GLYR1: variants seen among roughly 807,000 people sequenced by gnomAD.
The protein encoded by GLYR1 is glyoxylate reductase 1 homolog.
In GLYR1, 21 loss-of-function variants were observed where a neutral mutation model predicts 72.7. The ratio of observed to expected loss-of-function variants is 0.29; its 90% CI spans 0.20 to 0.42. The LOEUF (loss-of-function observed/expected upper bound fraction) is 0.42, where lower values mean the gene tolerates loss of function less well. Among genes scored for constraint, GLYR1 ranks in the 10% least tolerant of loss-of-function variants. GLYR1 has a pLI of 1.00. For synonymous variants in GLYR1, 392 were observed against 270.2 expected, an observed-to-expected ratio of 1.45 and a Z score of -4.42; for missense variants, 594 against 712.1, an observed-to-expected ratio of 0.83 and a Z score of 1.89.
Position 4,826,123 on chromosome 16 carries a change from C to T in GLYR1, c.538-2216G>A, listed in dbSNP as rs1025310946. 1.3e-5 allele frequency among the ~76,000 whole-genome samples: 2 copies of T among 152,136 alleles called. 1 individual carries two copies. The highest frequency in any genetic ancestry group is 4.1e-4 in the South Asian group (2 of 4,822). On this transcript the variant is annotated intron_variant, in intron 5 of 15. Transcript: ENST00000321919. The stretch of plus-strand genomic sequence containing the variant: ...AGTGCAGTGACTCAATTATGGCTCA[C>T]TGCAGCCTCAACCACTTGAGCTCAA...
intron 5 of GLYR1, among the ~76,000 whole-genome samples, chr16:4,827,672 A>C (rs1050407738): frequency 6.6e-6 from 1 of 152,008 alleles, no homozygotes; most frequent in African/African-American, 2.4e-5. Context: ...AGGCCGAGGC[A>C]GGTGGATCAT....
At chr16:4,842,731 GCT>G (rs2085656625) in intron 3 of GLYR1, among the ~76,000 whole-genome samples, 1 of 151,820 alleles carries the variant, frequency 6.6e-6, no homozygotes, top group Non-Finnish European at 1.5e-5. Context: ...ACAGAGTCTC[GCT>G]CTGTCACCCA....
intron 5 of GLYR1, among the ~76,000 whole-genome samples, chr16:4,825,372 A>G (rs537512036): frequency 6.6e-6 from 1 of 152,224 alleles, no homozygotes; most frequent in East Asian, 1.9e-4. Context: ...CACACCAAGC[A>G]TGTGCCTGCC....
At chr16:4,845,209 A>C in intron 2 of GLYR1, 56 bp from the exon 3 acceptor site, 1 of 1,205,938 alleles carries the variant, frequency 8.3e-7, no homozygotes, top group Non-Finnish European at 1.2e-6. Flanking sequence ...CCCACTTTCT[A>C]GTGGCTCCAC....
Position 4,814,658 on chromosome 16 carries a change from C to T in GLYR1, c.907-11G>A, listed in dbSNP as rs368848838. 1 of 1,599,506 alleles carries T rather than the reference C, an allele frequency of 6.3e-7. No individual in the cohort carries two copies. Among genetic ancestry groups the T allele is most frequent in the East Asian group, 2.2e-5 (1 of 44,782 alleles). On this transcript the variant is annotated splice_polypyrimidine_tract_variant and intron_variant, in intron 10 of 15. Transcript: ENST00000321919. ...GATGAACAAATCACACTGCAAAAGT[C>T]ACAGATCCTAACGTGAGCTGCAGGC... is the stretch of plus-strand genomic sequence containing the variant.
chr16:4,809,543 C>T (rs1024020579), intron 15 of GLYR1, among the ~76,000 whole-genome samples: 2 of 146,766 alleles, frequency 1.4e-5, no homozygotes, highest in Admixed American at 7.1e-5. Flanking sequence ...ACCCGGGAGA[C>T]GAAGCTTGCA....
At position 4,823,038 on chromosome 16, in the gene GLYR1, G is replaced by T. The variant is rs569961618; in HGVS notation, c.625-107C>A. Reference sequence around the variant, plus strand: ...CTGGCTGCAACACCTCTGGATTCTGGTCTCTTTTTCACAATTGTCTGGAAA... The same window carrying T: ...CTGGCTGCAACACCTCTGGATTCTGTTCTCTTTTTCACAATTGTCTGGAAA... On this transcript the variant is annotated intron_variant, in intron 6 of 15. Coordinates refer to ENST00000321919, the MANE Select transcript of GLYR1 (RefSeq NM_032569.4). 1.2e-4 allele frequency: 112 copies of T among 932,050 alleles called. No individual in the cohort carries two copies. The Admixed American group carries it at 1.9e-3, about 16-fold the overall frequency. The allele number at this position is 932,050 out of a possible 1,614,324, so 57.7% of individuals were successfully genotyped here.
chr16:4,846,784 G>A (rs1278474087), intron 1 of GLYR1: 3 of 246,854 alleles, frequency 1.2e-5, no homozygotes, highest in Non-Finnish European at 1.6e-5. Context: ...AGACAACCCC[G>A]GCTGAGCCGG....
chr16:4,835,271 A>G (rs1384319393), intron 3 of GLYR1, among the ~76,000 whole-genome samples: 5 of 152,290 alleles, frequency 3.3e-5, no homozygotes, highest in East Asian at 3.9e-4. Flanking sequence ...ATGTCTGTGA[A>G]GTGCCAAGGA....
chr16:4,814,013 C>G (rs1262679648), intron 11 of GLYR1, 175 bp from the exon 12 acceptor site: 2 of 500,026 alleles, frequency 4.0e-6, no homozygotes, highest in African/African-American at 4.0e-5. Context: ...CCCGCATGCT[C>G]CCATTTATCT....
At chr16:4,841,457 C>CAAAAAAAAAAAAAAAAAAAA (rs1160441336) in intron 3 of GLYR1, among the ~76,000 whole-genome samples, 1 of 31,956 alleles carries the variant, frequency 3.1e-5, no homozygotes, top group African/African-American at 1.1e-4. Flanking sequence ...CTTGTCTCTA[C>CAAAAAAAAAAAAAAAAAAAA]AAAAAAAAAA....
chr16:4,831,833 C>G (rs913043850), intron 5 of GLYR1, 146 bp downstream of exon 5: 11 of 1,197,012 alleles, frequency 9.2e-6, no homozygotes, highest in Middle Eastern at 5.8e-4. Context: ...CGCACCTGCC[C>G]TGCAGGATTC....
At chr16:4,836,168 C>T (rs1332263011) in intron 3 of GLYR1, among the ~76,000 whole-genome samples, 2 of 152,070 alleles carry the variant, frequency 1.3e-5, no homozygotes, top group African/African-American at 2.4e-5. Flanking sequence ...GTCTAATTCA[C>T]GGAGGCACAT....
chr16:4,832,839 T>A lies in GLYR1; in HGVS notation c.229A>T (p.Lys77Ter). ...GCATCTACCGCTTGCTGGAATCGTT[T>A]ACCCTTGTTAATTTTTATCATTTCC... ...KEEMIKINKG[K>*]RFQQAVDAVE... Residue 77 changes from lysine to a stop codon, truncating the protein, a stop_gained, in exon 4 of 16, where the codon AAA becomes TAA. Transcript: ENST00000321919. LOFTEE classifies it high-confidence loss of function. 1 of 1,613,970 alleles carries A rather than the reference T, an allele frequency of 6.2e-7. No homozygotes were observed. Among genetic ancestry groups the A allele is most frequent in the Non-Finnish European group, 8.5e-7 (1 of 1,179,932 alleles).
At chr16:4,809,611 C>CAAGA (rs1491542382) in intron 15 of GLYR1, among the ~76,000 whole-genome samples, 1 of 80,244 alleles carries the variant, frequency 1.2e-5, no homozygotes, top group East Asian at 3.9e-4. Context: ...AACTCCGTCT[C>CAAGA]AAAAAAAAAA....
chr16:4,805,391 G>T, intron 15 of GLYR1, 81 bp from the exon 16 acceptor site: 1 of 1,212,832 alleles, frequency 8.2e-7, no homozygotes, highest in Non-Finnish European at 1.2e-6. Flanking sequence ...GGCAGTGGTG[G>T]ATGTGGCCAG....
chr16:4,843,773 G>A, intron 3 of GLYR1: 2 of 470,500 alleles, frequency 4.3e-6, no homozygotes, highest in South Asian at 3.2e-5. Context: ...TTTCCTATAA[G>A]AATAATAAAT....
intron 9 of GLYR1, 124 bp downstream of exon 9, chr16:4,821,256 C>T (rs929641229): frequency 2.2e-6 from 2 of 929,620 alleles, no homozygotes; most frequent in East Asian, 2.5e-5. Flanking sequence ...AACATCCCCC[C>T]ACCTTTTCCA....
intron 9 of GLYR1, 174 bp from the exon 10 acceptor site, chr16:4,817,871 C>A (rs921388059): frequency 5.0e-6 from 3 of 596,904 alleles, no homozygotes; most frequent in Non-Finnish European, 9.0e-6. Context: ...GCACATGGGT[C>A]TTCTCTTATG....
Sources: gnomAD v4.1 joint callset for allele counts (sites outside exome capture counted in the v4.1 genomes callset) on GRCh38, gnomAD v4.1.1 for gene constraint, MANE v1.5 for transcripts, NCBI Gene and HGNC (gene_info 2026-07-23, HGNC 2026-07-21) for gene names.